The following NCAM2 variants were observed in gnomAD, a reference collection of about 807,000 sequenced individuals.
NCAM2 encodes the protein neural cell adhesion molecule 2, also known as N-CAM-2.
Under a neutral mutation model 98.1 loss-of-function variants are expected in NCAM2, and 30 were observed. The observed-to-expected ratio is 0.31, with a 90% CI of 0.23 to 0.41. The LOEUF is 0.41. Ranked by LOEUF, NCAM2 falls within the 10% of genes least tolerant of loss-of-function variation. NCAM2 has a pLI of 1.00. For synonymous variants in NCAM2, 368 were observed against 342.4 expected, an observed-to-expected ratio of 1.07 and a Z score of -0.83; for missense variants, 867 against 1,005.8, an observed-to-expected ratio of 0.86 and a Z score of 1.87.
intron 1 of NCAM2, among the ~76,000 whole-genome samples, chr21:21,198,584 T>C (rs1434867742): frequency 6.6e-6 from 1 of 152,154 alleles, no homozygotes; most frequent in African/African-American, 2.4e-5. Flanking sequence ...AAAAAATAAT[T>C]CTTATCATTC....
At chr21:21,248,287 A>T (rs185829888) in intron 1 of NCAM2, among the ~76,000 whole-genome samples, 4 of 152,256 alleles carry the variant, frequency 2.6e-5, no homozygotes, top group Admixed American at 2.6e-4. Context: ...TATGATTTCC[A>T]ATCTACTTTT....
rs1478654000 is a variant in NCAM2, at chr21:21,123,338, A to G, written c.55+124720A>G. Among the ~76,000 whole-genome samples the G allele has an allele frequency of 3.3e-5, 5 of 151,896 alleles. No homozygotes were observed. The East Asian group carries it at 9.7e-4, about 29-fold the overall frequency. On this transcript the variant is annotated intron_variant, in intron 1 of 17. Coordinates refer to ENST00000400546, the MANE Select transcript of NCAM2 (RefSeq NM_004540.5). ...GAACCCGGGGGGAGGCGGAGCTTGCAGTGAGTCAAGATCGCGCCACTGCAC... is the reference window on the plus strand; with the variant it reads ...GAACCCGGGGGGAGGCGGAGCTTGCGGTGAGTCAAGATCGCGCCACTGCAC...
intron 9 of NCAM2, among the ~76,000 whole-genome samples, chr21:21,399,050 A>G (rs1369496526): frequency 6.6e-6 from 1 of 152,188 alleles, no homozygotes; most frequent in Non-Finnish European, 1.5e-5. Context: ...ATTAGGATCA[A>G]GAGGTGACCA....
chr21:21,084,495 CCTA>C (rs2065869838), intron 1 of NCAM2, among the ~76,000 whole-genome samples: 2 of 152,098 alleles, frequency 1.3e-5, no homozygotes, highest in Admixed American at 1.3e-4. Flanking sequence ...TACTTATCTG[CCTA>C]CTATTTAAAA....
chr21:21,493,582 G>A (rs1386345370), intron 15 of NCAM2, among the ~76,000 whole-genome samples: 1 of 151,786 alleles, frequency 6.6e-6, no homozygotes, highest in African/African-American at 2.4e-5. Flanking sequence ...TTTACATTAC[G>A]GTGCATACTT....
chr21:21,287,725 G>A (rs1568887660), intron 4 of NCAM2, among the ~76,000 whole-genome samples: 1 of 151,888 alleles, frequency 6.6e-6, no homozygotes, highest in Non-Finnish European at 1.5e-5. Flanking sequence ...AACGGGTAGT[G>A]GTGATGGAGA....
At chr21:21,255,205 G>C (rs1233679329) in intron 1 of NCAM2, among the ~76,000 whole-genome samples, 1 of 152,104 alleles carries the variant, frequency 6.6e-6, no homozygotes, top group African/African-American at 2.4e-5. Flanking sequence ...CACTGGATCA[G>C]AGTTATCCCC....
chr21:21,100,923 A>C (rs965766024), intron 1 of NCAM2, among the ~76,000 whole-genome samples: 1 of 152,026 alleles, frequency 6.6e-6, no homozygotes, highest in East Asian at 1.9e-4. Context: ...CAGTTTCTAG[A>C]GGCTTAGATT....
In NCAM2 at chr21:21,538,991, AAATT is replaced by A. The variant is rs1365036578; in HGVS notation, c.*1037_*1040del. 1.1e-4 allele frequency: 17 copies of A among 152,166 alleles called. No homozygotes were observed. The highest frequency in any genetic ancestry group is 8.3e-4 in the South Asian group (4 of 4,832). The allele number at this position is 152,166 out of a possible 1,614,324, so 9.4% of individuals were successfully genotyped here. A position where few individuals can be genotyped will look rare whatever the true frequency, so the allele number is the denominator to read the frequency against. On this transcript the variant is annotated 3_prime_UTR_variant, in exon 18 of 18. Transcript: ENST00000400546. ...GCTAATAAAAATTTTAAGGTTGACT[AAATT>A]AAGAAGAAATTATTTAACATTTTAA...
At chr21:21,366,307 T>TA (rs953430013) in intron 8 of NCAM2, among the ~76,000 whole-genome samples, 2 of 151,998 alleles carry the variant, frequency 1.3e-5, no homozygotes, top group Admixed American at 6.6e-5. Flanking sequence ...GCTTCTTGCT[T>TA]AAAAAAACAA....
intron 1 of NCAM2, among the ~76,000 whole-genome samples, chr21:21,250,150 ATT>A (rs911889146): frequency 2.6e-5 from 4 of 152,216 alleles, no homozygotes; most frequent in Non-Finnish European, 4.4e-5. Context: ...TCTAGTGGGA[ATT>A]TCAAGCACCA....
intron 1 of NCAM2, among the ~76,000 whole-genome samples, chr21:21,003,316 T>A (rs2064053476): frequency 6.6e-6 from 1 of 152,146 alleles, no homozygotes; most frequent in Admixed American, 6.5e-5. Flanking sequence ...ACATTATAGT[T>A]TGAAGAATTT....
intron 12 of NCAM2, among the ~76,000 whole-genome samples, chr21:21,446,841 C>T (rs1980230583): frequency 1.3e-5 from 2 of 152,006 alleles, no homozygotes; most frequent in South Asian, 4.1e-4. Context: ...ATATAGCTAA[C>T]AAGGGAATGT....
At chr21:21,433,285 T>C (rs2077383756) in intron 12 of NCAM2, among the ~76,000 whole-genome samples, 2 of 152,174 alleles carry the variant, frequency 1.3e-5, no homozygotes, top group African/African-American at 4.8e-5. Flanking sequence ...ACTTGGATTA[T>C]ATTATCTGTG....
intron 1 of NCAM2, 98 bp downstream of exon 1, chr21:20,998,716 C>T: frequency 8.6e-7 from 1 of 1,163,868 alleles, no homozygotes; most frequent in Non-Finnish European, 1.3e-6. Flanking sequence ...AATGAAAGAA[C>T]TAAAGTTACA....
At position 21,284,268 on chromosome 21, in the gene NCAM2, G is replaced by C. The variant is rs371967791; in HGVS notation, c.205G>C (p.Val69Leu). The change falls in exon 3 of 18, where the codon GTG becomes CTG. Residue 69 changes from valine (V) to leucine (L), a missense_variant. Physicochemically the swap from Val to Leu is conservative, Grantham distance 32. Transcript: ENST00000400546. ...GATAATTTCAACACAGAGGGTAGTAGTGCAAAAGGAAGGTGTTAGGTCACG... is the reference window on the plus strand; with the variant it reads ...GATAATTTCAACACAGAGGGTAGTACTGCAAAAGGAAGGTGTTAGGTCACG... ...EKIISTQRVV[V>L]QKEGVRSRLT... The C allele has an allele frequency of 1.6e-5, 25 of 1,612,066 alleles. No individual in the cohort carries two copies. Among genetic ancestry groups the C allele is most frequent in the Non-Finnish European group, 1.9e-5 (22 of 1,178,488 alleles).
chr21:21,333,836 A>G (rs2147852334), intron 6 of NCAM2, among the ~76,000 whole-genome samples: 1 of 152,296 alleles, frequency 6.6e-6, no homozygotes, highest in South Asian at 2.1e-4. Flanking sequence ...AATTATGATG[A>G]AAACCCTATC....
At chr21:21,317,145 C>T (rs986708628) in intron 5 of NCAM2, among the ~76,000 whole-genome samples, 4 of 152,128 alleles carry the variant, frequency 2.6e-5, no homozygotes, top group Non-Finnish European at 4.4e-5. Context: ...AGTGACATCA[C>T]GTGGACACAT....
chr21:21,102,372 G>A (rs1246744460), intron 1 of NCAM2, among the ~76,000 whole-genome samples: 2 of 151,924 alleles, frequency 1.3e-5, no homozygotes, highest in Non-Finnish European at 2.9e-5. Flanking sequence ...ATAATTTAAT[G>A]TAGTTTAATT....
Sources: allele counts gnomAD v4.1 joint callset (sites outside exome capture counted in the v4.1 genomes callset), GRCh38; gene constraint gnomAD v4.1.1; transcripts MANE v1.5; gene names NCBI Gene and HGNC (gene_info 2026-07-23, HGNC 2026-07-21).